Variants in MGRN1 observed in about 807,000 individuals in gnomAD.
MGRN1 encodes the protein E3 ubiquitin-protein ligase MGRN1.
In MGRN1, 29 loss-of-function variants were observed where a neutral mutation model predicts 69.2. The ratio of observed to expected loss-of-function variants is 0.42; its 90% CI spans 0.31 to 0.57. MGRN1 has a LOEUF of 0.57. MGRN1 is among the 20% of genes least tolerant of loss of function. The probability of loss-of-function intolerance (pLI) is 0.15; values close to 1 mark genes in which losing one functional copy is unlikely to be tolerated. For missense variants in MGRN1, 998 were observed against 796.2 expected, an observed-to-expected ratio of 1.25 and a Z score of -3.05; for synonymous variants, 470 against 344.2, an observed-to-expected ratio of 1.37 and a Z score of -4.04.
chr16:4,677,418 T>C, intron 10 of MGRN1, 45 bp from the exon 11 acceptor site: 1 of 1,460,500 alleles, frequency 6.8e-7, no homozygotes, highest in Non-Finnish European at 9.1e-7. Context: ...CCCTCGGGGC[T>C]GGGTGTGTCG....
chr16:4,688,553 C>T (rs969458809), intron 16 of MGRN1: 7 of 1,271,836 alleles, frequency 5.5e-6, no homozygotes, highest in Non-Finnish European at 7.0e-6. Flanking sequence ...GGCTGCAGAT[C>T]TGCTGTGGGT....
intron 3 of MGRN1, 56 bp downstream of exon 3, chr16:4,652,107 G>A (rs2078422328): frequency 1.0e-5 from 16 of 1,551,880 alleles, no homozygotes; most frequent in Middle Eastern, 4.1e-4. Context: ...AGCCTGTGGT[G>A]GAGGTTCTGG....
chr16:4,637,076 G>A (rs1417682481), intron 1 of MGRN1, among the ~76,000 whole-genome samples: 1 of 135,768 alleles, frequency 7.4e-6, no homozygotes, highest in Non-Finnish European at 1.5e-5. Flanking sequence ...TCAAGATTGC[G>A]CCACTGCACG....
At chr16:4,625,162 G>C (rs1596245956) in intron 1 of MGRN1, 114 bp downstream of exon 1, 3 of 1,017,372 alleles carry the variant, frequency 2.9e-6, no homozygotes, top group East Asian at 3.4e-5. Context: ...TCCGGGCCTC[G>C]TTGCTACCCC....
At position 4,664,692 on chromosome 16, in the gene MGRN1, G is replaced by A. The variant is rs2141923283; in HGVS notation, c.562-17G>A. On this transcript the variant is annotated splice_polypyrimidine_tract_variant and intron_variant, in intron 5 of 16. Transcript: ENST00000262370. ...GGCTGTGTGGGTCCTGACCATTCTTGGCAACTCTCTCCTCAGCTGAACTTT... is the reference window on the plus strand; with the variant it reads ...GGCTGTGTGGGTCCTGACCATTCTTAGCAACTCTCTCCTCAGCTGAACTTT... The A allele has an allele frequency of 1.2e-6, 2 of 1,614,088 alleles. No homozygotes were observed. The highest frequency in any genetic ancestry group is 4.5e-5 in the East Asian group (2 of 44,882).
chr16:4,672,550 C>T, intron 9 of MGRN1: 1 of 435,482 alleles, frequency 2.3e-6, no homozygotes, highest in Non-Finnish European at 4.6e-6. Context: ...CAGGGGGCGG[C>T]CCACTTTGAG....
chr16:4,639,610 C>G (rs937842925), intron 1 of MGRN1, among the ~76,000 whole-genome samples: 2 of 152,190 alleles, frequency 1.3e-5, no homozygotes, highest in African/African-American at 4.8e-5. Flanking sequence ...CGTCTGCCCC[C>G]TCGGTGCGGG....
intron 1 of MGRN1, among the ~76,000 whole-genome samples, chr16:4,648,729 C>T (rs1225334165): frequency 8.1e-6 from 1 of 122,836 alleles, no homozygotes; most frequent in African/African-American, 3.5e-5. Context: ...CCGGCTCCTC[C>T]TCTCGGGGAC....
rs532088959 is a variant in MGRN1, at chr16:4,644,010, T to C, written c.89-6355T>C. ...TTTTTTGAGATGGAGTCTCGCTCTG[T>C]TGCCCAGGCTGGAGTGGAGTGAGGT... On this transcript the variant is annotated intron_variant, in intron 1 of 16. Transcript: ENST00000262370. Among the ~76,000 whole-genome samples, 41 of 152,230 alleles carry C rather than the reference T, an allele frequency of 2.7e-4. No individual in the cohort carries two copies. The East Asian group carries it at 5.6e-3, about 21-fold the overall frequency.
chr16:4,672,261 G>A (rs1231698818), intron 9 of MGRN1: 1 of 436,784 alleles, frequency 2.3e-6, no homozygotes. Context: ...TGGCCAGGCT[G>A]GTCTCAAACT....
intron 1 of MGRN1, among the ~76,000 whole-genome samples, chr16:4,643,326 G>A (rs567707466): frequency 1.3e-5 from 2 of 152,040 alleles, no homozygotes; most frequent in Non-Finnish European, 2.9e-5. Context: ...GAACTGCTGG[G>A]CTCAAGTGAA....
chr16:4,625,054 C>A lies in MGRN1; in HGVS notation c.88+6C>A. On this transcript the variant is annotated splice_donor_region_variant and intron_variant, in intron 1 of 16. Coordinates refer to ENST00000262370, the MANE Select transcript of MGRN1 (RefSeq NM_015246.4). ...TCGCTACCCTCCGAAGTCCGGTGAG[C>A]GCCCGGCCCCAGGCGCGGACTGCTA... The A allele has an allele frequency of 1.3e-6, 2 of 1,538,030 alleles. No individual in the cohort carries two copies. The highest frequency in any genetic ancestry group is 1.7e-6 in the Non-Finnish European group (2 of 1,145,172).
intron 9 of MGRN1, chr16:4,672,424 C>G (rs116277866): frequency 4.4e-6 from 2 of 456,628 alleles, no homozygotes; most frequent in African/African-American, 2.0e-5. Context: ...CTCACAGGCC[C>G]GCTTCATTAT....
chr16:4,630,532 C>T (rs1048768032), intron 1 of MGRN1, among the ~76,000 whole-genome samples: 7 of 151,694 alleles, frequency 4.6e-5, no homozygotes, highest in African/African-American at 1.7e-4. Context: ...CTCACTGCAG[C>T]CTCTGCCCGG....
intron 5 of MGRN1, among the ~76,000 whole-genome samples, chr16:4,662,979 T>A (rs2078716332): frequency 6.6e-6 from 1 of 152,190 alleles, no homozygotes; most frequent in African/African-American, 2.4e-5. Context: ...GTGGTCGGTC[T>A]TGGGAGGCAG....
intron 7 of MGRN1, 92 bp downstream of exon 7, chr16:4,665,243 C>A: frequency 7.1e-7 from 1 of 1,414,488 alleles, no homozygotes; most frequent in Non-Finnish European, 9.8e-7. Flanking sequence ...GGGGCTGGGG[C>A]TTGGTGGGGT....
At chr16:4,682,652 G>C (rs2079215156) in intron 13 of MGRN1, among the ~76,000 whole-genome samples, 171 bp from the exon 14 acceptor site, 1 of 152,132 alleles carries the variant, frequency 6.6e-6, no homozygotes, top group Non-Finnish European at 1.5e-5. Flanking sequence ...GTTGCCTGTT[G>C]GCCGTTTGGG....
chr16:4,687,742 G>A, intron 16 of MGRN1: 1 of 985,504 alleles, frequency 1.0e-6, no homozygotes, highest in East Asian at 1.1e-4. Context: ...CATGCAGCCT[G>A]CTGGGAGGTG....
intron 16 of MGRN1, chr16:4,686,912 T>C: frequency 1.0e-6 from 1 of 985,494 alleles, no homozygotes; most frequent in Non-Finnish European, 1.2e-6. Flanking sequence ...GCTCAGTCCC[T>C]GTCTCTTGGA....
Sources: allele counts gnomAD v4.1 joint callset (sites outside exome capture counted in the v4.1 genomes callset), GRCh38; gene constraint gnomAD v4.1.1; transcripts MANE v1.5; gene names NCBI Gene and HGNC (gene_info 2026-07-23, HGNC 2026-07-21).